Variants in TMEM178B observed in about 807,000 individuals in gnomAD.
TMEM178B encodes the protein transmembrane protein 178B.
TMEM178B carries 5 observed loss-of-function variants against 31.0 expected under a neutral mutation model. The observed-to-expected ratio is 0.16, with a 90% CI of 0.08 to 0.34. The LOEUF (loss-of-function observed/expected upper bound fraction) is 0.34. TMEM178B is among the 10% of genes least tolerant of loss of function. TMEM178B has a pLI of 1.00. For missense variants in TMEM178B, 275 were observed against 400.3 expected (o/e 0.69, Z 2.67); for synonymous variants, 164 against 164.0 (o/e 1.00, Z 0.00).
At chr7:141,443,728 G>A (rs1016835720) in intron 3 of TMEM178B, among the ~76,000 whole-genome samples, 11 of 152,176 alleles carry the variant, frequency 7.2e-5, no homozygotes, top group African/African-American at 1.7e-4. Flanking sequence ...GGAATGGGGC[G>A]TGAAGATGGA....
chr7:141,265,887 T>C (rs1798087698), intron 2 of TMEM178B, among the ~76,000 whole-genome samples: 1 of 152,190 alleles, frequency 6.6e-6, no homozygotes, highest in Non-Finnish European at 1.5e-5. Context: ...TGGAGAGGCA[T>C]TGTGACAAAA....
Position 141,461,914 on chromosome 7 carries a change from C to T in TMEM178B, c.635-8622C>T, listed in dbSNP as rs1038907851. 6.6e-6 allele frequency among the ~76,000 whole-genome samples: 1 copy of T among 152,136 alleles called. No individual in the cohort carries two copies. Among genetic ancestry groups the T allele is most frequent in the Non-Finnish European group, 1.5e-5 (1 of 68,032 alleles). On this transcript the variant is annotated intron_variant, in intron 3 of 3. Coordinates refer to ENST00000565468, the MANE Select transcript of TMEM178B (RefSeq NM_001195278.2). The surrounding 1 kb of genome is among the most constrained non-coding windows in gnomAD (Gnocchi z 4.0). ...TGAGTTGGCTGACTAATTCTTTGTT[C>T]CCTGGTGACATTTCAGGGTGGCAAA... is the stretch of plus-strand genomic sequence containing the variant.
intron 2 of TMEM178B, among the ~76,000 whole-genome samples, chr7:141,244,356 G>A (rs1213208755): frequency 1.3e-5 from 2 of 152,224 alleles, no homozygotes; most frequent in African/African-American, 4.8e-5. Context: ...AGAAGGGAGA[G>A]ATGACTTAGG....
intron 1 of TMEM178B, among the ~76,000 whole-genome samples, chr7:141,153,305 G>A (rs1263695280): frequency 1.3e-5 from 2 of 152,046 alleles, no homozygotes. Flanking sequence ...TCAACACCTC[G>A]ATTTTTAGTG....
At chr7:141,506,067 C>T in the TMEM178B span, among the ~76,000 whole-genome samples, 1 of 152,232 alleles carries the variant, frequency 6.6e-6, no homozygotes, top group African/African-American at 2.4e-5. Flanking sequence ...ACATATGGTC[C>T]ACCAGGAAAC....
intron 2 of TMEM178B, among the ~76,000 whole-genome samples, chr7:141,296,364 G>A (rs79203551): frequency 9.5e-4 from 145 of 152,236 alleles, no homozygotes; most frequent in African/African-American, 3.3e-3. Context: ...CACTGCACCC[G>A]GCCAGGAAGC....
At chr7:141,263,729 GA>G (rs1229490881) in intron 2 of TMEM178B, among the ~76,000 whole-genome samples, 1 of 152,176 alleles carries the variant, frequency 6.6e-6, no homozygotes, top group African/African-American at 2.4e-5. Flanking sequence ...CATCTGCAGG[GA>G]TTTTCCCAGT....
chr7:141,351,389 T>G (rs952441818), intron 2 of TMEM178B, among the ~76,000 whole-genome samples: 1 of 152,386 alleles, frequency 6.6e-6, no homozygotes, highest in Middle Eastern at 3.4e-3. Flanking sequence ...GAACGGCTGG[T>G]CACTGCCTCT....
chr7:141,399,335 T>C (rs1563171567), intron 2 of TMEM178B, among the ~76,000 whole-genome samples: 1 of 152,340 alleles, frequency 6.6e-6, no homozygotes, highest in South Asian at 2.1e-4. Context: ...TGGAGTCTAT[T>C]GCTAGCGTAA....
chr7:141,223,962 T>C (rs1797298418), intron 2 of TMEM178B, among the ~76,000 whole-genome samples: 1 of 152,184 alleles, frequency 6.6e-6, no homozygotes, highest in African/African-American at 2.4e-5. Context: ...TCACCTTAAA[T>C]TGTAGCTCCC....
At chr7:141,123,425 C>T (rs1443516693) in intron 1 of TMEM178B, among the ~76,000 whole-genome samples, 2 of 152,238 alleles carry the variant, frequency 1.3e-5, no homozygotes, top group Non-Finnish European at 2.9e-5. Flanking sequence ...TTCTCCTCTC[C>T]TCCTCATCAC....
intron 2 of TMEM178B, among the ~76,000 whole-genome samples, chr7:141,434,945 C>T (rs2116676627): frequency 6.6e-6 from 1 of 152,320 alleles, no homozygotes; most frequent in South Asian, 2.1e-4. Flanking sequence ...CATTTCATCC[C>T]TTTCATGGCA....
At chr7:141,315,543 G>A (rs1291724949) in intron 2 of TMEM178B, among the ~76,000 whole-genome samples, 1 of 152,148 alleles carries the variant, frequency 6.6e-6, no homozygotes, top group African/African-American at 2.4e-5. Context: ...ATTTTCTCAT[G>A]AAACTTTCTA....
Position 141,389,477 on chromosome 7 carries a change from A to G in TMEM178B, c.497-48131A>G, listed in dbSNP as rs570611062. 6.6e-5 allele frequency among the ~76,000 whole-genome samples: 10 copies of G among 152,366 alleles called. No homozygotes were observed. In the South Asian group the frequency reaches 2.1e-3, roughly 32 times the overall value. On this transcript the variant is annotated intron_variant, in intron 2 of 3. Transcript: ENST00000565468. ...GGTACATCTGTACACAACATAGTAT[A>G]GTAAAAGAAAGAGCAGTGATAGCTA...
At chr7:141,469,518 C>CT in intron 3 of TMEM178B, among the ~76,000 whole-genome samples, 1 of 152,220 alleles carries the variant, frequency 6.6e-6, no homozygotes, top group East Asian at 1.9e-4. Flanking sequence ...TTGAATGCAC[C>CT]TCCTTTTGTT....
chr7:141,342,010 TGATCTCA>T (rs1799524368), intron 2 of TMEM178B, among the ~76,000 whole-genome samples: 1 of 152,206 alleles, frequency 6.6e-6, no homozygotes, highest in African/African-American at 2.4e-5. Context: ...TGCAGTAGTG[TGATCTCA>T]GCTCACTGCA....
intron 1 of TMEM178B, among the ~76,000 whole-genome samples, chr7:141,191,746 T>A (rs924276496): frequency 2.0e-5 from 3 of 152,198 alleles, no homozygotes; most frequent in African/African-American, 7.2e-5. Context: ...AGCAAATGAG[T>A]TCTTTGTGAT....
downstream of TMEM178B, among the ~76,000 whole-genome samples, chr7:141,483,224 C>A (rs1001954552): frequency 1.3e-5 from 2 of 152,214 alleles, no homozygotes; most frequent in Non-Finnish European, 2.9e-5. Context: ...AAGCCCAGAG[C>A]TGAGTCAACC....
chr7:141,494,503 C>G, the TMEM178B span, among the ~76,000 whole-genome samples: 1 of 152,162 alleles, frequency 6.6e-6, no homozygotes, highest in African/African-American at 2.4e-5. Flanking sequence ...GACTTGAACT[C>G]AGTTCTCCCA....
Sources: allele counts gnomAD v4.1 joint callset (sites outside exome capture counted in the v4.1 genomes callset), GRCh38; gene constraint gnomAD v4.1.1; non-coding constraint Gnocchi (gnomAD v3.1); transcripts MANE v1.5; gene names NCBI Gene and HGNC (gene_info 2026-07-23, HGNC 2026-07-21).